Variants in CNST observed in about 807,000 individuals in gnomAD.
The protein encoded by CNST is consortin.
CNST carries 39 observed loss-of-function variants against 72.4 expected under a neutral mutation model. That is an observed-to-expected ratio of 0.54 (90% CI 0.42 to 0.70). The LOEUF is 0.70. Among genes scored for constraint, CNST ranks in the 30% least tolerant of loss-of-function variants. The probability of loss-of-function intolerance (pLI) is 0.00; values close to 1 mark genes in which losing one functional copy is unlikely to be tolerated. For missense variants in CNST, 871 were observed against 868.5 expected (o/e 1.00, Z -0.04); for synonymous variants, 332 against 320.1 (o/e 1.04, Z -0.40).
intron 6 of CNST, among the ~76,000 whole-genome samples, chr1:246,638,317 A>T (rs982389465): frequency 6.6e-6 from 1 of 152,164 alleles, no homozygotes; most frequent in African/African-American, 2.4e-5. Context: ...TTGTAGGGCT[A>T]CTTGTTTGGC....
At chr1:246,662,008 A>G (rs1316569915) in intron 10 of CNST, among the ~76,000 whole-genome samples, 1 of 152,192 alleles carries the variant, frequency 6.6e-6, no homozygotes, top group East Asian at 1.9e-4. Flanking sequence ...CACAGTCTGC[A>G]TTTCACTTTG....
rs577450998 is a variant in CNST, at chr1:246,647,611, G to A, written c.1410G>A (p.Ala470=). 8.7e-6 allele frequency: 14 copies of A among 1,614,188 alleles called. No homozygotes were observed. The highest frequency in any genetic ancestry group is 4.0e-5 in the African/African-American group (3 of 75,060). The change falls in exon 9 of 11, where the codon GCG becomes GCA. Residue 470 remains alanine (A), a synonymous_variant. Coordinates refer to ENST00000366513, the MANE Select transcript of CNST (RefSeq NM_152609.3). ...LRLPLRDASE[A]LPTDQLENNE... is the part of the protein sequence containing the mutation. ...TGCCACTTCGGGATGCTTCTGAGGC[G>A]TTGCCCACAGACCAACTTGAGAACA... is the stretch of plus-strand genomic sequence containing the variant.
chr1:246,598,407 CTT>C lies in CNST; in HGVS notation c.379+6470_379+6471del, dbSNP rs372120282. 2.6e-3 allele frequency among the ~76,000 whole-genome samples: 393 copies of C among 152,110 alleles called. 1 individual carries two copies. The highest frequency in any genetic ancestry group is 8.8e-3 in the African/African-American group (364 of 41,508). On this transcript the variant is annotated intron_variant, in intron 2 of 10. Coordinates refer to ENST00000366513, the MANE Select transcript of CNST (RefSeq NM_152609.3). Reference sequence around the variant, plus strand: ...AGTACTTTTTTTTATTTCCTAGGAACTTTTTAATACTGTCTCTTTTCAGATGT... The same window carrying C: ...AGTACTTTTTTTTATTTCCTAGGAACTTTAATACTGTCTCTTTTCAGATGT...
chr1:246,654,060 A>T lies in CNST; in HGVS notation c.1836+6023A>T, dbSNP rs190954140. On this transcript the variant is annotated intron_variant, in intron 9 of 10. Transcript: ENST00000366513. ...TGAGTTTAAACTCCTGCTATGAAAC[A>T]CTTTTAAACTATCATTCCTTTCCCA... Among the ~76,000 whole-genome samples, 288 of 152,296 alleles carry T rather than the reference A, an allele frequency of 1.9e-3. 1 individual carries two copies. The highest frequency in any genetic ancestry group is 6.3e-3 in the African/African-American group (260 of 41,564).
At chr1:246,625,542 C>T (rs931435356) in intron 3 of CNST, among the ~76,000 whole-genome samples, 2 of 150,276 alleles carry the variant, frequency 1.3e-5, no homozygotes, top group African/African-American at 4.9e-5. Flanking sequence ...CTGCCTCAGC[C>T]TCCTGAGTAG....
rs998947801 is a variant in CNST at position 246,614,581 on chromosome 1, C to T, written c.380-6848C>T. Among the ~76,000 whole-genome samples the T allele has an allele frequency of 9.3e-5, 14 of 151,210 alleles. No individual in the cohort carries two copies. In the South Asian group the frequency reaches 1.5e-3, roughly 16 times the overall value. ...CCACTTCCTGGGTTCAAGTGATTCT[C>T]CTGCCTCAGCCTCCTGAGTAGCTGG... On this transcript the variant is annotated intron_variant, in intron 2 of 10. Transcript: ENST00000366513.
chr1:246,597,179 C>G (rs771526071), intron 2 of CNST, among the ~76,000 whole-genome samples: 2 of 152,194 alleles, frequency 1.3e-5, no homozygotes, highest in African/African-American at 2.4e-5. Context: ...CAGTTTCTCT[C>G]CATCTTCACC....
At chr1:246,591,119 T>C (rs1462372778) in intron 1 of CNST, among the ~76,000 whole-genome samples, 6 of 152,170 alleles carry the variant, frequency 3.9e-5, no homozygotes, top group African/African-American at 1.4e-4. Flanking sequence ...GGGATTAACA[T>C]AAGAGACTAA....
At chr1:246,618,197 ATTTTGAATGT>A (rs1663826525) in intron 2 of CNST, among the ~76,000 whole-genome samples, 1 of 152,162 alleles carries the variant, frequency 6.6e-6, no homozygotes, top group Non-Finnish European at 1.5e-5. Flanking sequence ...ACCTCTGGAG[ATTTTGAATGT>A]TTTTGATGGT....
chr1:246,573,026 G>A (rs1660163421), intron 1 of CNST, among the ~76,000 whole-genome samples: 1 of 152,184 alleles, frequency 6.6e-6, no homozygotes, highest in African/African-American at 2.4e-5. Context: ...AGGGGTGGAC[G>A]TTTGTGCAAA....
chr1:246,642,303 G>C (rs972215589), intron 8 of CNST, among the ~76,000 whole-genome samples: 1 of 151,836 alleles, frequency 6.6e-6, no homozygotes, highest in African/African-American at 2.4e-5. Flanking sequence ...GTTTTCAGTA[G>C]GTGGTTATAT....
At chr1:246,617,526 T>G (rs912578651) in intron 2 of CNST, among the ~76,000 whole-genome samples, 3 of 152,246 alleles carry the variant, frequency 2.0e-5, no homozygotes, top group Admixed American at 1.3e-4. Flanking sequence ...TGGCATGCAC[T>G]GTCTCATTTA....
At chr1:246,656,612 A>G (rs1666786142) in intron 9 of CNST, among the ~76,000 whole-genome samples, 1 of 152,202 alleles carries the variant, frequency 6.6e-6, no homozygotes, top group Admixed American at 6.5e-5. Flanking sequence ...ACCTTTTAAT[A>G]CTGACACTAT....
chr1:246,621,674 T>C, intron 3 of CNST, 40 bp downstream of exon 3: 1 of 1,522,650 alleles, frequency 6.6e-7, no homozygotes, highest in East Asian at 2.3e-5. Context: ...TCACGAAAAT[T>C]CCCCTAGCAG....
intron 1 of CNST, among the ~76,000 whole-genome samples, chr1:246,572,224 G>T (rs114514653): frequency 0.012 from 1,833 of 152,294 alleles, 48 homozygotes; most frequent in African/African-American, 0.041. Context: ...GGGTGACAGA[G>T]TAAGACCCTG....
chr1:246,616,066 C>G (rs183117223), intron 2 of CNST, among the ~76,000 whole-genome samples: 35 of 152,250 alleles, frequency 2.3e-4, no homozygotes, highest in African/African-American at 8.4e-4. Flanking sequence ...CTATAGGTCA[C>G]TTGGCTTTCA....
intron 10 of CNST, among the ~76,000 whole-genome samples, chr1:246,663,568 C>T (rs1667229539): frequency 6.6e-6 from 1 of 151,952 alleles, no homozygotes; most frequent in African/African-American, 2.4e-5. Context: ...TGGTGAAACC[C>T]CATCTCTATA....
At chr1:246,664,673 G>T (rs184715490) in intron 10 of CNST, among the ~76,000 whole-genome samples, 6 of 152,030 alleles carry the variant, frequency 3.9e-5, no homozygotes, top group South Asian at 2.1e-4. Flanking sequence ...TGATCCGCCC[G>T]CCTCAGCCTC....
chr1:246,660,067 T>A (rs1667003143), intron 9 of CNST, 132 bp from the exon 10 acceptor site: 1 of 696,290 alleles, frequency 1.4e-6, no homozygotes, highest in Non-Finnish European at 2.3e-6. Flanking sequence ...ATTTTGATGT[T>A]ATTTTTTTCT....
Sources: gnomAD v4.1 joint callset for allele counts (sites outside exome capture counted in the v4.1 genomes callset) on GRCh38, gnomAD v4.1.1 for gene constraint, MANE v1.5 for transcripts, NCBI Gene and HGNC (gene_info 2026-07-23, HGNC 2026-07-21) for gene names.